The following ADGRV1 variants were observed in gnomAD, a reference collection of about 807,000 sequenced individuals.
ADGRV1 encodes G-protein coupled receptor 98.
A neutral mutation model predicts 596.2 loss-of-function variants in ADGRV1; 359 were observed. That is an observed-to-expected ratio of 0.60 (90% CI 0.55 to 0.66). The LOEUF is 0.66. Ranked by LOEUF, ADGRV1 falls within the 30% of genes least tolerant of loss-of-function variation. ADGRV1 has a pLI of 0.00. For synonymous variants in ADGRV1, 2,681 were observed against 2,679.2 expected (o/e 1.00, Z -0.02); for missense variants, 7,274 against 7,575.6 (o/e 0.96, Z 1.48).
At chr5:90,761,734 T>C (rs1756534044) in intron 58 of ADGRV1, among the ~76,000 whole-genome samples, 1 of 152,234 alleles carries the variant, frequency 6.6e-6, no homozygotes, top group Non-Finnish European at 1.5e-5. Flanking sequence ...AGATTTAGGT[T>C]ACCCAATTCC....
At chr5:91,085,431 T>C (rs1198243040) in intron 86 of ADGRV1, among the ~76,000 whole-genome samples, 4 of 152,174 alleles carry the variant, frequency 2.6e-5, no homozygotes, top group Non-Finnish European at 5.9e-5. Context: ...TTGATAAGTC[T>C]TAAGCGATCT....
intron 60 of ADGRV1, among the ~76,000 whole-genome samples, chr5:90,774,764 T>A (rs1758048488): frequency 6.6e-6 from 1 of 152,206 alleles, no homozygotes; most frequent in South Asian, 2.1e-4. Context: ...ACATGCTAAA[T>A]GTAATCTGTT....
intron 83 of ADGRV1, among the ~76,000 whole-genome samples, chr5:90,950,983 T>G (rs1777015745): frequency 6.6e-6 from 1 of 152,220 alleles, no homozygotes; most frequent in Non-Finnish European, 1.5e-5. Flanking sequence ...TTCTTTTATA[T>G]CCTCATTCTC....
Position 90,790,857 on chromosome 5 carries a change from T to C in ADGRV1, c.14044-16T>C. 1 of 1,538,692 alleles carries C rather than the reference T, an allele frequency of 6.5e-7. No homozygotes were observed. Among genetic ancestry groups the C allele is most frequent in the Non-Finnish European group, 8.8e-7 (1 of 1,134,850 alleles). ...TGAATTATATAACTTTGTTGAGTTTTTTTCTTTTATTTTAGGTTTACTGGG... is the reference window on the plus strand; with the variant it reads ...TGAATTATATAACTTTGTTGAGTTTCTTTCTTTTATTTTAGGTTTACTGGG... On this transcript the variant is annotated splice_polypyrimidine_tract_variant and intron_variant, in intron 69 of 89. Transcript: ENST00000405460.
Position 90,685,940 on chromosome 5 carries a change from A to T in ADGRV1, c.6435A>T (p.Gly2145=). ...TTATCAATGTGACTAGAACAGGAGG[A>T]GCATTTGCAGATGTCTCTGTGAAGT... ...GPIINVTRTG[G]AFADVSVKFK... Residue 2145 remains glycine, a synonymous_variant, in exon 29 of 90, where the codon GGA becomes GGT. Transcript: ENST00000405460. The T allele has an allele frequency of 6.2e-7, 1 of 1,607,742 alleles. No individual in the cohort carries two copies. Among genetic ancestry groups the T allele is most frequent in the South Asian group, 1.1e-5 (1 of 89,986 alleles).
chr5:90,605,660 G>A (rs190003262), intron 1 of ADGRV1, among the ~76,000 whole-genome samples: 152 of 152,080 alleles, frequency 1.0e-3, no homozygotes, highest in African/African-American at 3.1e-3. Flanking sequence ...GTTTACAAGC[G>A]TAACTCTCAC....
At chr5:90,707,164 C>T (rs1308130444) in intron 38 of ADGRV1, among the ~76,000 whole-genome samples, 1 of 152,116 alleles carries the variant, frequency 6.6e-6, no homozygotes, top group Admixed American at 6.5e-5. Flanking sequence ...ATTATGGTTA[C>T]ATTAAGCTTA....
At chr5:90,927,890 A>G (rs1475425006) in intron 83 of ADGRV1, among the ~76,000 whole-genome samples, 3 of 152,044 alleles carry the variant, frequency 2.0e-5, no homozygotes, top group Non-Finnish European at 4.4e-5. Context: ...TTCACTTATG[A>G]AGCGTAGTTT....
intron 89 of ADGRV1, among the ~76,000 whole-genome samples, chr5:91,158,313 T>A (rs1796639251): frequency 6.6e-6 from 1 of 152,186 alleles, no homozygotes; most frequent in South Asian, 2.1e-4. Context: ...CCTCCTCCTT[T>A]CTTAGCTATA....
chr5:91,123,315 C>A (rs1195572295), intron 87 of ADGRV1, among the ~76,000 whole-genome samples: 1 of 152,064 alleles, frequency 6.6e-6, no homozygotes, highest in Non-Finnish European at 1.5e-5. Context: ...AATTTATAAA[C>A]AATAGAAACT....
intron 83 of ADGRV1, among the ~76,000 whole-genome samples, chr5:90,954,986 T>G (rs80121493): frequency 0.014 from 2,206 of 152,230 alleles, 43 homozygotes; most frequent in African/African-American, 0.05. Flanking sequence ...GGTAATTAGG[T>G]AATGACAGTG....
chr5:90,657,504 G>A (rs1231984305), intron 20 of ADGRV1, among the ~76,000 whole-genome samples: 2 of 152,052 alleles, frequency 1.3e-5, no homozygotes, highest in South Asian at 4.1e-4. Flanking sequence ...TTTTAAATGT[G>A]CAAGAGTAAA....
At chr5:91,108,494 T>C (rs1039562998) in intron 87 of ADGRV1, among the ~76,000 whole-genome samples, 1 of 152,184 alleles carries the variant, frequency 6.6e-6, no homozygotes, top group Non-Finnish European at 1.5e-5. Flanking sequence ...GGTATTTGTA[T>C]AGTATTCTGA....
chr5:91,015,424 C>G (rs960072551), intron 85 of ADGRV1, among the ~76,000 whole-genome samples: 3 of 151,978 alleles, frequency 2.0e-5, no homozygotes, highest in Non-Finnish European at 4.4e-5. Context: ...AGTTCAGGTC[C>G]CGAATATCTT....
intron 87 of ADGRV1, among the ~76,000 whole-genome samples, chr5:91,126,144 G>T (rs1365862560): frequency 6.6e-6 from 1 of 152,108 alleles, no homozygotes; most frequent in African/African-American, 2.4e-5. Flanking sequence ...TGGTTCTTTT[G>T]TACTGCCTGT....
At chr5:91,039,060 C>A (rs1310877558) in intron 85 of ADGRV1, among the ~76,000 whole-genome samples, 1 of 152,050 alleles carries the variant, frequency 6.6e-6, no homozygotes, top group Non-Finnish European at 1.5e-5. Flanking sequence ...GATATTCAAC[C>A]ATATCAAATA....
intron 10 of ADGRV1, among the ~76,000 whole-genome samples, chr5:90,636,210 C>T (rs1472714085): frequency 1.4e-5 from 2 of 146,178 alleles, no homozygotes; most frequent in Non-Finnish European, 3.0e-5. Context: ...GATGGCTCTT[C>T]CTTCAGCCTT....
chr5:90,770,190 G>T (rs1220537857), intron 59 of ADGRV1, among the ~76,000 whole-genome samples: 1 of 152,184 alleles, frequency 6.6e-6, no homozygotes, highest in Non-Finnish European at 1.5e-5. Flanking sequence ...AGGAGCAAAG[G>T]CATGTCTTAC....
At chr5:90,668,821 A>G (rs1278967647) in intron 21 of ADGRV1, among the ~76,000 whole-genome samples, 1 of 152,198 alleles carries the variant, frequency 6.6e-6, no homozygotes, top group Non-Finnish European at 1.5e-5. Flanking sequence ...AGGAAGCTAT[A>G]GGTTTTGATG....
Sources: allele counts gnomAD v4.1 joint callset (sites outside exome capture counted in the v4.1 genomes callset), GRCh38; gene constraint gnomAD v4.1.1; transcripts MANE v1.5; gene names NCBI Gene and HGNC (gene_info 2026-07-23, HGNC 2026-07-21).